SUFU: variants seen among roughly 807,000 people sequenced by gnomAD.
SUFU encodes the protein suppressor of fused homolog.
In SUFU, 7 loss-of-function variants were observed where a neutral mutation model predicts 58.9. The observed-to-expected ratio is 0.12, with a 90% CI of 0.07 to 0.22. SUFU has a LOEUF of 0.22. Ranked by LOEUF, SUFU falls within the 10% of genes least tolerant of loss-of-function variation. SUFU has a pLI of 1.00. For synonymous variants in SUFU, 232 were observed against 254.8 expected (o/e 0.91, Z 0.85); for missense variants, 451 against 641.3 (o/e 0.70, Z 3.20).
chr10:102,555,618 G>T (rs2062967497), intron 3 of SUFU, among the ~76,000 whole-genome samples: 1 of 152,180 alleles, frequency 6.6e-6, no homozygotes, highest in African/African-American at 2.4e-5. Context: ...TCTAAGTCCG[G>T]TAGAGCCTAT....
At position 102,629,217 on chromosome 10, in the gene SUFU, C is replaced by T. The variant is rs2063816142; in HGVS notation, c.1366-849C>T. On this transcript the variant is annotated intron_variant, in intron 11 of 11. Transcript: ENST00000369902. The surrounding 1 kb of genome is among the most constrained non-coding windows in gnomAD (Gnocchi z 4.7). ...TCCGGTATCAGTCCCAGGCAGTGAG[C>T]ATTTATTGAGCTCCATCTGTGTGCC... Among the ~76,000 whole-genome samples, 2 of 152,198 alleles carry T rather than the reference C, an allele frequency of 1.3e-5. No individual in the cohort carries two copies. The highest frequency in any genetic ancestry group is 4.1e-4 in the South Asian group (2 of 4,832).
intron 3 of SUFU, among the ~76,000 whole-genome samples, chr10:102,584,069 CTG>C (rs970059246): frequency 4.6e-5 from 7 of 152,202 alleles, no homozygotes; most frequent in Admixed American, 4.6e-4. Context: ...AGTATCTGTA[CTG>C]TATTCCAGTA....
At chr10:102,510,259 G>A (rs2062384509) in intron 2 of SUFU, among the ~76,000 whole-genome samples, 1 of 152,114 alleles carries the variant, frequency 6.6e-6, no homozygotes, top group South Asian at 2.1e-4. Context: ...GCCCAGGCTG[G>A]AGTGCAGTGG....
intron 2 of SUFU, among the ~76,000 whole-genome samples, chr10:102,510,739 C>T (rs1168831182): frequency 1.3e-5 from 2 of 152,168 alleles, no homozygotes; most frequent in African/African-American, 4.8e-5. Context: ...ACGAGAATCA[C>T]TTGAACCTGG....
rs112808377 is a variant in SUFU at position 102,633,445 on chromosome 10, C to G, written c.*3290C>G. 6.4e-3 allele frequency: 1,477 copies of G among 230,454 alleles called. 6 individuals carry two copies. Among genetic ancestry groups the G allele is most frequent in the Middle Eastern group, 0.01 (8 of 770 alleles). The allele number at this position is 230,454 out of a possible 1,614,324, so 14.3% of individuals were successfully genotyped here. ...TCTGTAATCTAAGTGCATTAAACAT[C>G]TTTGCAGAAGTGCCTGGGTTGTGTG... On this transcript the variant is annotated 3_prime_UTR_variant, in exon 12 of 12. Coordinates refer to ENST00000369902, the MANE Select transcript of SUFU (RefSeq NM_016169.4).
At chr10:102,589,925 T>C (rs1208021173) in intron 3 of SUFU, among the ~76,000 whole-genome samples, 1 of 152,020 alleles carries the variant, frequency 6.6e-6, no homozygotes, top group East Asian at 1.9e-4. Context: ...TAATGTCCTT[T>C]ATCAAGATGA....
chr10:102,608,464 C>G (rs1452973833), intron 8 of SUFU, among the ~76,000 whole-genome samples: 1 of 152,226 alleles, frequency 6.6e-6, no homozygotes, highest in Non-Finnish European at 1.5e-5. Context: ...AGTGCCAAGG[C>G]AAGCCCAGGG....
intron 2 of SUFU, among the ~76,000 whole-genome samples, chr10:102,536,003 GT>G (rs2062736065): frequency 6.6e-6 from 1 of 151,998 alleles, no homozygotes; most frequent in South Asian, 2.1e-4. Context: ...GTCTTGCTCT[GT>G]CTCGCTTCGG....
rs144867922 is a variant in SUFU, at chr10:102,511,586, C to T, written c.317+2283C>T. Among the ~76,000 whole-genome samples, 14 of 152,108 alleles carry T rather than the reference C, an allele frequency of 9.2e-5. No individual in the cohort carries two copies. The East Asian group carries it at 1.5e-3, about 17-fold the overall frequency. ...ATGCTTTACAATCTTATCAGGGTCT[C>T]GTTATTCCTATTTTATAGATAAGAA... On this transcript the variant is annotated intron_variant, in intron 2 of 11. Coordinates refer to ENST00000369902, the MANE Select transcript of SUFU (RefSeq NM_016169.4).
chr10:102,593,645 G>A lies in SUFU; in HGVS notation c.607G>A (p.Val203Ile), dbSNP rs760484608. 1.2e-6 allele frequency: 2 copies of A among 1,614,196 alleles called. No homozygotes were observed. The highest frequency in any genetic ancestry group is 1.7e-6 in the Non-Finnish European group (2 of 1,180,034). The change falls in exon 5 of 12, where the codon GTC becomes ATC. Residue 203 changes from valine (V) to isoleucine (I), a missense_variant. By Grantham distance (29) the Val-to-Ile change is conservative (BLOSUM62 3). Coordinates refer to ENST00000369902, the MANE Select transcript of SUFU (RefSeq NM_016169.4). ...GVVTFLQIVG[V>I]CTEELHSAQQ... ...CTATCCTGGGCCTCAGATCGTTGGTGTCTGCACTGAAGAGCTACACTCAGC... is the reference window on the plus strand; with the variant it reads ...CTATCCTGGGCCTCAGATCGTTGGTATCTGCACTGAAGAGCTACACTCAGC...
rs2063716997 is a variant in SUFU at position 102,619,046 on chromosome 10, G to A, written c.1296+1618G>A. 1 of 1,611,264 alleles carries A rather than the reference G, an allele frequency of 6.2e-7. No homozygotes were observed. Among genetic ancestry groups the A allele is most frequent in the African/African-American group, 1.3e-5 (1 of 74,422 alleles). ...CTCCCCAAACTGCAGAATCTACCCA[G>A]TTATGTTTGACATCCTCAGCTCTGA... On this transcript the variant is annotated intron_variant, in intron 10 of 11. Coordinates refer to ENST00000369902, the MANE Select transcript of SUFU (RefSeq NM_016169.4). The surrounding 1 kb of genome is among the most constrained non-coding windows in gnomAD (Gnocchi z 4.2).
At chr10:102,549,755 C>G (rs1394887232) in intron 2 of SUFU, among the ~76,000 whole-genome samples, 2 of 152,166 alleles carry the variant, frequency 1.3e-5, no homozygotes, top group African/African-American at 4.8e-5. Context: ...GTCACATCCA[C>G]ATACCCGCAG....
chr10:102,512,577 CAT>C (rs2135632482), intron 2 of SUFU, among the ~76,000 whole-genome samples: 1 of 152,298 alleles, frequency 6.6e-6, no homozygotes, highest in African/African-American at 2.4e-5. Flanking sequence ...TATCCTCTTA[CAT>C]GTGTTTCATT....
chr10:102,568,929 T>TAC (rs1564685720), intron 3 of SUFU, among the ~76,000 whole-genome samples: 4 of 32,838 alleles, frequency 1.2e-4, no homozygotes, highest in African/African-American at 4.4e-4. Context: ...TACACATATA[T>TAC]ATATATATAT....
chr10:102,533,278 A>C (rs2062697413), intron 2 of SUFU, among the ~76,000 whole-genome samples: 1 of 152,068 alleles, frequency 6.6e-6, no homozygotes, highest in Non-Finnish European at 1.5e-5. Flanking sequence ...CTGGGTCAAA[A>C]TCAAGGTGCC....
chr10:102,594,410 C>A (rs1052769375), intron 6 of SUFU, among the ~76,000 whole-genome samples: 1 of 152,162 alleles, frequency 6.6e-6, no homozygotes, highest in Non-Finnish European at 1.5e-5. Context: ...CCCAGACTTT[C>A]TTTTAGGGAG....
intron 3 of SUFU, among the ~76,000 whole-genome samples, chr10:102,585,084 A>G (rs934599151): frequency 2.0e-5 from 3 of 152,210 alleles, no homozygotes; most frequent in African/African-American, 7.2e-5. Context: ...TGCTTCCCCT[A>G]CTTTGCCTGT....
At chr10:102,529,547 G>A (rs1056585291) in intron 2 of SUFU, among the ~76,000 whole-genome samples, 1 of 152,184 alleles carries the variant, frequency 6.6e-6, no homozygotes, top group African/African-American at 2.4e-5. Flanking sequence ...GCCTAGGCGG[G>A]TGGATCACGA....
chr10:102,548,323 C>T (rs528942193), intron 2 of SUFU, among the ~76,000 whole-genome samples: 1 of 152,166 alleles, frequency 6.6e-6, no homozygotes, highest in Admixed American at 6.5e-5. Context: ...TTCACCCAGG[C>T]ACAGAAAACT....
Sources: gnomAD v4.1 joint callset for allele counts (sites outside exome capture counted in the v4.1 genomes callset) on GRCh38, gnomAD v4.1.1 for gene constraint, Gnocchi (gnomAD v3.1) non-coding constraint, MANE v1.5 for transcripts, NCBI Gene and HGNC (gene_info 2026-07-23, HGNC 2026-07-21) for gene names.